KNTC1: variants seen among roughly 807,000 people sequenced by gnomAD.
KNTC1 encodes kinetochore associated 1.
In KNTC1, 253 loss-of-function variants were observed where a neutral mutation model predicts 314.4. The ratio of observed to expected loss-of-function variants is 0.80; its 90% CI spans 0.73 to 0.89. KNTC1 has a LOEUF of 0.89. Ranked by LOEUF, KNTC1 falls within the 40% of genes least tolerant of loss-of-function variation. KNTC1 has a pLI of 0.00. For missense variants in KNTC1, 2,475 were observed against 2,572.9 expected (o/e 0.96, Z 0.82); for synonymous variants, 901 against 901.4 (o/e 1.00, Z 0.01).
chr12:122,600,384 C>T (rs1051225866), intron 44 of KNTC1, among the ~76,000 whole-genome samples: 2 of 152,166 alleles, frequency 1.3e-5, no homozygotes, highest in African/African-American at 4.8e-5. Context: ...CAGGCATGAG[C>T]CACTGTACCC....
At chr12:122,604,366 C>G (rs990839342) in intron 48 of KNTC1, among the ~76,000 whole-genome samples, 198 bp from the exon 49 acceptor site, 1 of 151,802 alleles carries the variant, frequency 6.6e-6, no homozygotes, top group African/African-American at 2.4e-5. Flanking sequence ...AGGGTGGTCT[C>G]AAACTCCTGA....
At chr12:122,590,033 C>T (rs912181121) in intron 40 of KNTC1, among the ~76,000 whole-genome samples, 2 of 151,964 alleles carry the variant, frequency 1.3e-5, no homozygotes, top group Non-Finnish European at 2.9e-5. Context: ...ATCCACCCTC[C>T]TCGGCCTCCC....
intron 3 of KNTC1, among the ~76,000 whole-genome samples, chr12:122,535,774 C>G (rs1285282999): frequency 6.6e-6 from 1 of 151,812 alleles, no homozygotes; most frequent in Non-Finnish European, 1.5e-5. Context: ...CAAGATTATG[C>G]CACTATACTC....
intron 59 of KNTC1, 70 bp from the exon 60 acceptor site, chr12:122,620,409 A>G (rs1874297345): frequency 6.2e-6 from 9 of 1,442,338 alleles, no homozygotes. Context: ...ATGACTATGG[A>G]AAGCTAGAAA....
intron 13 of KNTC1, among the ~76,000 whole-genome samples, chr12:122,550,151 A>G (rs888578058): frequency 5.5e-5 from 5 of 91,738 alleles, no homozygotes; most frequent in Non-Finnish European, 1.0e-4. Context: ...ATAATGGGAG[A>G]TGGAGACTAT....
At chr12:122,547,166 C>G (rs536407133) in intron 10 of KNTC1, among the ~76,000 whole-genome samples, 25 of 151,672 alleles carry the variant, frequency 1.6e-4, no homozygotes, top group Non-Finnish European at 3.5e-4. Flanking sequence ...TAAGAAGACA[C>G]GTAGGCTAGG....
chr12:122,556,473 T>G (rs918828626), intron 16 of KNTC1, among the ~76,000 whole-genome samples: 19 of 147,868 alleles, frequency 1.3e-4, no homozygotes, highest in African/African-American at 4.8e-4. Flanking sequence ...TTGTCACCAT[T>G]CTACTCTCTA....
At chr12:122,551,568 T>A (rs758442451) in intron 15 of KNTC1, 45 bp downstream of exon 15, 31 of 1,601,870 alleles carry the variant, frequency 1.9e-5, no homozygotes, top group Non-Finnish European at 2.7e-5. Flanking sequence ...AGTGAATAAC[T>A]TAAATTCCCT....
At chr12:122,557,976 C>G (rs1464425481) in intron 18 of KNTC1, among the ~76,000 whole-genome samples, 1 of 152,180 alleles carries the variant, frequency 6.6e-6, no homozygotes, top group Non-Finnish European at 1.5e-5. Flanking sequence ...CCAGACCGGA[C>G]GTGGTGGCTC....
chr12:122,533,675 C>T (rs974980792), intron 2 of KNTC1, among the ~76,000 whole-genome samples: 6 of 151,826 alleles, frequency 4.0e-5, no homozygotes, highest in East Asian at 1.9e-4. Context: ...CCAACCTGAG[C>T]GACAGAGGGA....
At chr12:122,531,212 G>A (rs1008601261) in intron 2 of KNTC1, among the ~76,000 whole-genome samples, 3 of 151,674 alleles carry the variant, frequency 2.0e-5, no homozygotes, top group African/African-American at 7.3e-5. Flanking sequence ...CATTCTTTAT[G>A]CAGCTTTAAG....
rs1270714422 is a variant in KNTC1, at chr12:122,590,589, G to T, written c.4000-18G>T. 1.3e-6 allele frequency: 2 copies of T among 1,579,794 alleles called. No individual in the cohort carries two copies. Among genetic ancestry groups the T allele is most frequent in the South Asian group, 1.2e-5 (1 of 83,866 alleles). ...TGATTGTGAAGAATTTGCTTCTTTT[G>T]CTGGTTTCTTCCTGTAGGTATTTAA... On this transcript the variant is annotated intron_variant, in intron 40 of 63. Coordinates refer to ENST00000333479, the MANE Select transcript of KNTC1 (RefSeq NM_014708.6).
At chr12:122,599,369 T>G (rs1871516039) in intron 44 of KNTC1, among the ~76,000 whole-genome samples, 1 of 151,336 alleles carries the variant, frequency 6.6e-6, no homozygotes, top group South Asian at 2.1e-4. Context: ...AAAAATTTTT[T>G]TTTTTTCTGA....
chr12:122,580,129 TC>T (rs1201394483), intron 32 of KNTC1, among the ~76,000 whole-genome samples, 152 bp downstream of exon 32: 1 of 152,242 alleles, frequency 6.6e-6, no homozygotes, highest in Admixed American at 6.5e-5. Context: ...TGAAAAGTCT[TC>T]CTTTATTCCT....
intron 6 of KNTC1, 82 bp downstream of exon 6, chr12:122,542,209 CTCT>C: frequency 2.1e-6 from 2 of 955,744 alleles, no homozygotes; most frequent in Non-Finnish European, 3.0e-6. Flanking sequence ...ATTTTAAGTA[CTCT>C]CTTTAAGCTT....
At chr12:122,580,878 A>G (rs1040635845) in intron 33 of KNTC1, among the ~76,000 whole-genome samples, 9 of 152,046 alleles carry the variant, frequency 5.9e-5, no homozygotes, top group African/African-American at 2.2e-4. Context: ...AATACAAAAA[A>G]TTAGCCAGGC....
chr12:122,624,147 A>G (rs1874748280), intron 62 of KNTC1, among the ~76,000 whole-genome samples: 1 of 152,234 alleles, frequency 6.6e-6, no homozygotes, highest in Admixed American at 6.5e-5. Flanking sequence ...TTCTTTGGAC[A>G]ATCCAGAGAC....
rs868367853 is a variant in KNTC1, at chr12:122,557,270, C to T, written c.1273-114C>T. ...TTCTTTAAATCTCATTCCTGGAGCG[C>T]ATGAGGATTCACCTTTTTGAAGTAG... On this transcript the variant is annotated intron_variant, in intron 16 of 63. Transcript: ENST00000333479. 3 of 915,330 alleles carry T rather than the reference C, an allele frequency of 3.3e-6. No homozygotes were observed. The Middle Eastern group carries it at 7.9e-4, about 242-fold the overall frequency. The allele number at this position is 915,330 out of a possible 1,614,324, so 56.7% of individuals were successfully genotyped here.
chr12:122,540,904 C>G (rs1438575262), intron 5 of KNTC1, among the ~76,000 whole-genome samples: 1 of 152,150 alleles, frequency 6.6e-6, no homozygotes, highest in Non-Finnish European at 1.5e-5. Flanking sequence ...TGTGTGGTGG[C>G]TCACATCTGT....
Sources: allele counts gnomAD v4.1 joint callset (sites outside exome capture counted in the v4.1 genomes callset), GRCh38; gene constraint gnomAD v4.1.1; transcripts MANE v1.5; gene names NCBI Gene and HGNC (gene_info 2026-07-23, HGNC 2026-07-21).